The following IER3IP1 variants were observed in gnomAD, a reference collection of about 807,000 sequenced individuals.
The protein encoded by IER3IP1 is immediate early response 3 interacting protein 1.
Under a neutral mutation model 12.2 loss-of-function variants are expected in IER3IP1, and 16 were observed. The ratio of observed to expected loss-of-function variants is 1.31; its 90% CI spans 0.89 to 1.99. IER3IP1 has a LOEUF of 1.99. IER3IP1 is among the 30% of genes most tolerant of loss of function. The probability of loss-of-function intolerance (pLI) is 0.00; values close to 1 mark genes in which losing one functional copy is unlikely to be tolerated. For missense variants in IER3IP1, 95 were observed against 95.8 expected, an observed-to-expected ratio of 0.99 and a Z score of 0.03; for synonymous variants, 42 against 40.0, an observed-to-expected ratio of 1.05 and a Z score of -0.19.
At chr18:47,161,594 T>C (rs2063980118) in intron 1 of IER3IP1, among the ~76,000 whole-genome samples, 1 of 152,102 alleles carries the variant, frequency 6.6e-6, no homozygotes, top group Non-Finnish European at 1.5e-5. Context: ...TAGTTTTATA[T>C]CCTACCACAC....
chr18:47,164,192 T>A (rs968800711), intron 1 of IER3IP1, among the ~76,000 whole-genome samples: 2 of 151,890 alleles, frequency 1.3e-5, no homozygotes, highest in Non-Finnish European at 2.9e-5. Context: ...GGAATTAACA[T>A]AATTTAAGCA....
At chr18:47,158,798 T>TA (rs1237157480) in intron 1 of IER3IP1, among the ~76,000 whole-genome samples, 1 of 151,570 alleles carries the variant, frequency 6.6e-6, no homozygotes, top group East Asian at 2.0e-4. Context: ...CTGTCTCTAC[T>TA]AAAAATACAA....
At chr18:47,158,143 T>C (rs1319790927) in intron 1 of IER3IP1, among the ~76,000 whole-genome samples, 1 of 152,162 alleles carries the variant, frequency 6.6e-6, no homozygotes, top group Non-Finnish European at 1.5e-5. Context: ...ACAAGAAATA[T>C]CAAAATCTCA....
At chr18:47,159,200 T>C (rs1400146269) in intron 1 of IER3IP1, among the ~76,000 whole-genome samples, 1 of 152,250 alleles carries the variant, frequency 6.6e-6, no homozygotes, top group Non-Finnish European at 1.5e-5. Context: ...TTAGTAAGTG[T>C]GCTCACCTAG....
At chr18:47,156,446 G>A (rs2063959433) in intron 2 of IER3IP1, among the ~76,000 whole-genome samples, 1 of 144,224 alleles carries the variant, frequency 6.9e-6, no homozygotes, top group South Asian at 2.1e-4. Flanking sequence ...GGGAGTAAGG[G>A]TTGCACTGGA....
At chr18:47,164,627 A>G (rs932568467) in intron 1 of IER3IP1, among the ~76,000 whole-genome samples, 1 of 151,948 alleles carries the variant, frequency 6.6e-6, no homozygotes, top group African/African-American at 2.4e-5. Flanking sequence ...ACAAAAAGTT[A>G]AAAAGTTAGC....
intron 1 of IER3IP1, among the ~76,000 whole-genome samples, chr18:47,163,797 T>C (rs1252406672): frequency 6.6e-6 from 1 of 152,188 alleles, no homozygotes; most frequent in African/African-American, 2.4e-5. Context: ...CCTCTGCAAT[T>C]AGGTCTTCCT....
intron 1 of IER3IP1, among the ~76,000 whole-genome samples, chr18:47,171,582 G>A (rs1279142610): frequency 6.6e-6 from 1 of 152,180 alleles, no homozygotes; most frequent in Non-Finnish European, 1.5e-5. Flanking sequence ...AGTCTAGTCA[G>A]TCTAGCTAAA....
rs1352726076 is a variant in IER3IP1, at chr18:47,176,242, G to A, written c.36C>T (p.Ala12=). The change falls in exon 1 of 3, where the codon GCC becomes GCT. Residue 12 remains alanine, a synonymous_variant. Coordinates refer to ENST00000256433, the MANE Select transcript of IER3IP1 (RefSeq NM_016097.5). ...AFTLYSLLQA[A]LLCVNAIAVL... is the part of the protein sequence containing the mutation. ...CTGCGATGGCGTTGACGCAGAGCAG[G>A]GCTGCCTGCAGCAGTGAGTACAGGG... is the stretch of plus-strand genomic sequence containing the variant. The A allele has an allele frequency of 2.5e-6, 4 of 1,609,366 alleles. No homozygotes were observed. The highest frequency in any genetic ancestry group is 1.1e-5 in the South Asian group (1 of 90,188).
chr18:47,157,936 A>T (rs151115502), intron 1 of IER3IP1, among the ~76,000 whole-genome samples: 147 of 152,320 alleles, frequency 9.7e-4, no homozygotes, highest in African/African-American at 3.4e-3. Context: ...GAATTTATAA[A>T]ATCCATCACA....
intron 1 of IER3IP1, among the ~76,000 whole-genome samples, chr18:47,165,117 T>TATCTGTAAA (rs2063991968): frequency 6.6e-6 from 1 of 152,206 alleles, no homozygotes. Context: ...TCAATTTCCA[T>TATCTGTAAA]ATCTGTAAAA....
At chr18:47,175,651 C>T (rs989845420) in intron 1 of IER3IP1, among the ~76,000 whole-genome samples, 1 of 152,138 alleles carries the variant, frequency 6.6e-6, no homozygotes, top group East Asian at 1.9e-4. Flanking sequence ...TTAGTAGAGA[C>T]GGGGTTTTAC....
At chr18:47,160,681 A>G (rs114608898) in intron 1 of IER3IP1, among the ~76,000 whole-genome samples, 195 of 152,310 alleles carry the variant, frequency 1.3e-3, no homozygotes, top group African/African-American at 4.4e-3. Context: ...CAAGATTTCA[A>G]CATTCAGGAT....
Position 47,156,008 on chromosome 18 carries a change from C to G in IER3IP1, c.*169G>C, listed in dbSNP as rs1371165844. On this transcript the variant is annotated 3_prime_UTR_variant, in exon 3 of 3. Transcript: ENST00000256433. ...ATCTTTTGTAATGAAACTACAAGTGCAACATTAAAAAAAAAAACAGATAAA... is the reference window on the plus strand; with the variant it reads ...ATCTTTTGTAATGAAACTACAAGTGGAACATTAAAAAAAAAAACAGATAAA... 1.2e-5 allele frequency: 7 copies of G among 591,770 alleles called. No homozygotes were observed. The highest frequency in any genetic ancestry group is 2.1e-5 in the Non-Finnish European group (7 of 332,766). The allele number at this position is 591,770 out of a possible 1,614,324, so 36.7% of individuals were successfully genotyped here. A position where few individuals can be genotyped will look rare whatever the true frequency, so the allele number is the denominator to read the frequency against.
chr18:47,176,161 A>G, intron 1 of IER3IP1, 26 bp downstream of exon 1: 1 of 1,564,846 alleles, frequency 6.4e-7, no homozygotes, highest in Non-Finnish European at 8.7e-7. Context: ...CCGCCGCCCC[A>G]GCCCGCGCCC....
intron 1 of IER3IP1, among the ~76,000 whole-genome samples, chr18:47,169,308 T>C (rs2064007495): frequency 6.6e-6 from 1 of 152,236 alleles, no homozygotes; most frequent in East Asian, 1.9e-4. Flanking sequence ...TTCTACAGTA[T>C]AGATATCTAC....
chr18:47,168,760 T>C (rs576573342), intron 1 of IER3IP1, among the ~76,000 whole-genome samples: 16 of 152,356 alleles, frequency 1.1e-4, no homozygotes, highest in African/African-American at 1.9e-4. Context: ...TGTAGGACCA[T>C]AGAAGATGTG....
At chr18:47,158,205 C>G (rs2063967661) in intron 1 of IER3IP1, among the ~76,000 whole-genome samples, 1 of 152,092 alleles carries the variant, frequency 6.6e-6, no homozygotes, top group Non-Finnish European at 1.5e-5. Flanking sequence ...CAAAAATTAC[C>G]ATAATATAGA....
At chr18:47,174,509 A>G (rs1323000463) in intron 1 of IER3IP1, among the ~76,000 whole-genome samples, 1 of 152,090 alleles carries the variant, frequency 6.6e-6, no homozygotes, top group East Asian at 1.9e-4. Flanking sequence ...TTTCTACTAC[A>G]AATACAAAAA....
Sources: allele counts gnomAD v4.1 joint callset (sites outside exome capture counted in the v4.1 genomes callset), GRCh38; gene constraint gnomAD v4.1.1; transcripts MANE v1.5; gene names NCBI Gene and HGNC (gene_info 2026-07-23, HGNC 2026-07-21).